Variants in CDH11 observed in about 807,000 individuals in gnomAD.
The protein encoded by CDH11 is cadherin 11, also known as cadherin-11.
In CDH11, 11 loss-of-function variants were observed where a neutral mutation model predicts 67.8. That is an observed-to-expected ratio of 0.16 (90% CI 0.10 to 0.27). CDH11 has a LOEUF of 0.27. Ranked by LOEUF, CDH11 falls within the 10% of genes least tolerant of loss-of-function variation. The probability of loss-of-function intolerance (pLI) is 1.00; values close to 1 mark genes in which losing one functional copy is unlikely to be tolerated. For synonymous variants in CDH11, 419 were observed against 400.0 expected, an observed-to-expected ratio of 1.05 and a Z score of -0.57; for missense variants, 847 against 1,031.2, an observed-to-expected ratio of 0.82 and a Z score of 2.45.
chr16:65,081,176 A>T (rs2074602781), intron 1 of CDH11, among the ~76,000 whole-genome samples: 1 of 152,226 alleles, frequency 6.6e-6, no homozygotes, highest in Admixed American at 6.5e-5. Flanking sequence ...CTATCAAATT[A>T]CATGTTCTGA....
chr16:65,046,081 C>T (rs2073957342), intron 2 of CDH11, among the ~76,000 whole-genome samples: 1 of 152,150 alleles, frequency 6.6e-6, no homozygotes. Context: ...ACAAACTATC[C>T]CTTTCCATGT....
chr16:65,081,479 G>C (rs1056068406), intron 1 of CDH11, among the ~76,000 whole-genome samples: 44 of 151,736 alleles, frequency 2.9e-4, no homozygotes, highest in Admixed American at 7.9e-4. Context: ...TGAGGCAGGA[G>C]AATGGCGTGA....
At chr16:64,991,081 G>A (rs951651453) in intron 6 of CDH11, among the ~76,000 whole-genome samples, 2 of 152,122 alleles carry the variant, frequency 1.3e-5, no homozygotes, top group Admixed American at 6.5e-5. Flanking sequence ...TATGACTCCA[G>A]TTTCCAGTGG....
chr16:65,108,953 C>T (rs1232285328), intron 1 of CDH11, among the ~76,000 whole-genome samples: 2 of 152,050 alleles, frequency 1.3e-5, no homozygotes, highest in African/African-American at 4.8e-5. Flanking sequence ...TCGAGACCAG[C>T]CTGGCCAACA....
At chr16:65,122,125 C>CG, upstream of CDH11, 1 of 51,984 alleles carries the variant, frequency 1.9e-5, no homozygotes, top group Non-Finnish European at 3.6e-5. Flanking sequence ...GGCGGGCAGG[C>CG]GGGTGCGGGG....
chr16:65,123,498 T>A (rs1398243578), upstream of CDH11, among the ~76,000 whole-genome samples: 1 of 151,896 alleles, frequency 6.6e-6, no homozygotes, highest in East Asian at 2.0e-4. Context: ...CTTGGGATCC[T>A]GAGCGCATGG....
At chr16:65,101,919 G>A (rs1205187480) in intron 1 of CDH11, among the ~76,000 whole-genome samples, 2 of 152,184 alleles carry the variant, frequency 1.3e-5, no homozygotes, top group Admixed American at 6.5e-5. Context: ...TGATAAATGG[G>A]TGGATGGGCA....
intron 1 of CDH11, among the ~76,000 whole-genome samples, chr16:65,102,549 T>C (rs2075009805): frequency 1.3e-5 from 2 of 152,198 alleles, no homozygotes; most frequent in African/African-American, 2.4e-5. Context: ...CAAAGGGATA[T>C]AGACAAGCAT....
chr16:65,071,030 G>A (rs771085057), intron 1 of CDH11, among the ~76,000 whole-genome samples: 2 of 152,146 alleles, frequency 1.3e-5, no homozygotes, highest in East Asian at 1.9e-4. Flanking sequence ...TGCTGTCCTC[G>A]TCACTGTCCG....
In CDH11 at chr16:64,947,704, C is replaced by A; in HGVS notation, c.2290G>T (p.Asp764Tyr). ...SLSSLESATTDSDLDYDYLQN... is the reference protein window; with the variant it reads ...SLSSLESATTYSDLDYDYLQN... ...AGATAATCATAGTCCAAGTCTGAAT[C>A]TGTGGTGGCCGACTCTAGGGAGCTC... is the stretch of plus-strand genomic sequence containing the variant. The change falls in exon 13 of 13, where the codon GAT becomes TAT. Residue 764 changes from aspartate (D) to tyrosine (Y), a missense_variant. Transcript: ENST00000268603. 1 of 1,614,128 alleles carries A rather than the reference C, an allele frequency of 6.2e-7. No homozygotes were observed. The highest frequency in any genetic ancestry group is 1.1e-5 in the South Asian group (1 of 91,078).
intron 1 of CDH11, among the ~76,000 whole-genome samples, chr16:65,119,349 A>G (rs1242338024): frequency 6.6e-6 from 1 of 152,088 alleles, no homozygotes; most frequent in Non-Finnish European, 1.5e-5. Flanking sequence ...ATGAGTTCTA[A>G]GACATAAAAA....
intron 7 of CDH11, chr16:64,984,666 TC>T (rs1486836638): frequency 6.6e-6 from 1 of 152,230 alleles, no homozygotes; most frequent in East Asian, 1.9e-4. Context: ...TTATATCTAA[TC>T]TGTGGAAATG....
rs1596996918 is a variant in CDH11, at chr16:64,946,314, A to G, written c.*1289T>C. ...AATAGAATAACATTAGAGTCTGGGC[A>G]AATTTATATTTTTGACTCTAGTCCC... On this transcript the variant is annotated 3_prime_UTR_variant, in exon 13 of 13. Transcript: ENST00000268603. 1 of 1,044,688 alleles carries G rather than the reference A, an allele frequency of 9.6e-7. No individual in the cohort carries two copies. The highest frequency in any genetic ancestry group is 1.7e-5 in the African/African-American group (1 of 60,032). 64.7% of individuals were successfully genotyped at this position (1,044,688 alleles called of 1,614,324 possible). A position where few individuals can be genotyped will look rare whatever the true frequency, so the allele number is the denominator to read the frequency against.
intron 7 of CDH11, chr16:64,986,183 T>G (rs542999223): frequency 6.6e-6 from 1 of 152,286 alleles, no homozygotes; most frequent in East Asian, 1.9e-4. Flanking sequence ...TCATCTATAA[T>G]TTTTCTTTTT....
chr16:65,028,621 C>A lies in CDH11; in HGVS notation c.-172-23580G>T, dbSNP rs1050412223. 3.9e-5 allele frequency among the ~76,000 whole-genome samples: 6 copies of A among 152,150 alleles called. 1 individual carries two copies. Among genetic ancestry groups the A allele is most frequent in the African/African-American group, 1.4e-4 (6 of 41,432 alleles). On this transcript the variant is annotated intron_variant, in intron 2 of 12. Coordinates refer to ENST00000268603, the MANE Select transcript of CDH11 (RefSeq NM_001797.4). ...ACGGCTGAGTGCTTACAAGACGCAG[C>A]TAAATCCTACTTTACACTACACAGA... is the stretch of plus-strand genomic sequence containing the variant.
intron 8 of CDH11, among the ~76,000 whole-genome samples, chr16:64,977,424 C>T (rs1289365576): frequency 6.6e-6 from 1 of 152,086 alleles, no homozygotes; most frequent in African/African-American, 2.4e-5. Flanking sequence ...CAATGAGGTG[C>T]AGAGGAAATG....
Position 65,009,332 on chromosome 16 carries a change from C to A in CDH11, c.-172-4291G>T, listed in dbSNP as rs199930398. On this transcript the variant is annotated intron_variant, in intron 2 of 12. Transcript: ENST00000268603. ...GGTAATTACATCAGTCCATCAATAA[C>A]CATCAATAACATAGTATAACCAGGT... Among the ~76,000 whole-genome samples, 39 of 152,200 alleles carry A rather than the reference C, an allele frequency of 2.6e-4. No homozygotes were observed. The East Asian group carries it at 7.3e-3, about 29-fold the overall frequency.
At chr16:64,960,614 A>AG (rs2071646628) in intron 11 of CDH11, among the ~76,000 whole-genome samples, 1 of 152,130 alleles carries the variant, frequency 6.6e-6, no homozygotes, top group South Asian at 2.1e-4. Flanking sequence ...AGGGATAGAC[A>AG]GGGGGAGTAA....
At chr16:64,992,008 G>C in intron 5 of CDH11, 73 bp from the exon 6 acceptor site, 8 of 1,110,756 alleles carry the variant, frequency 7.2e-6, no homozygotes, top group South Asian at 3.8e-5. Context: ...TCTGAGCACT[G>C]AGGAAGCAAT....
Sources: gnomAD v4.1 joint callset for allele counts (sites outside exome capture counted in the v4.1 genomes callset) on GRCh38, gnomAD v4.1.1 for gene constraint, MANE v1.5 for transcripts, NCBI Gene and HGNC (gene_info 2026-07-23, HGNC 2026-07-21) for gene names.